The following AP3M1 variants were observed in gnomAD, a reference collection of about 807,000 sequenced individuals.
AP3M1 encodes the protein AP-3 complex subunit mu-1.
In AP3M1, 29 loss-of-function variants were observed where a neutral mutation model predicts 42.6. The ratio of observed to expected loss-of-function variants is 0.68; its 90% CI spans 0.51 to 0.93. The LOEUF (loss-of-function observed/expected upper bound fraction) is 0.93. Among genes scored for constraint, AP3M1 ranks in the 40% least tolerant of loss-of-function variants. The probability of loss-of-function intolerance (pLI) is 0.00; values close to 1 mark genes in which losing one functional copy is unlikely to be tolerated. For missense variants in AP3M1, 416 were observed against 510.2 expected (o/e 0.82, Z 1.78); for synonymous variants, 178 against 175.3 (o/e 1.02, Z -0.12).
intron 3 of AP3M1, among the ~76,000 whole-genome samples, chr10:74,135,798 A>G (rs1840923924): frequency 6.6e-6 from 1 of 152,180 alleles, no homozygotes; most frequent in African/African-American, 2.4e-5. Flanking sequence ...GTACAGACAC[A>G]CCATCTTATC....
chr10:74,124,046 T>C, intron 8 of AP3M1, 136 bp from the exon 9 acceptor site: 1 of 802,490 alleles, frequency 1.2e-6, no homozygotes, highest in Non-Finnish European at 2.0e-6. Flanking sequence ...CTTCTATCAT[T>C]TACAAATTAT....
At chr10:74,137,577 C>T (rs1840985867) in intron 2 of AP3M1, among the ~76,000 whole-genome samples, 1 of 152,196 alleles carries the variant, frequency 6.6e-6, no homozygotes, top group Admixed American at 6.5e-5. Flanking sequence ...TGATGATATA[C>T]AGTCATCCCT....
intron 1 of AP3M1, among the ~76,000 whole-genome samples, chr10:74,138,643 T>C (rs892764865): frequency 1.3e-5 from 2 of 149,954 alleles, no homozygotes; most frequent in African/African-American, 4.9e-5. Flanking sequence ...AAAAAGAAAC[T>C]TCCTCAGCCA....
intron 1 of AP3M1, among the ~76,000 whole-genome samples, chr10:74,150,106 T>A (rs1167920372): frequency 6.6e-6 from 1 of 152,224 alleles, no homozygotes; most frequent in Non-Finnish European, 1.5e-5. Flanking sequence ...CGGGCTTAAT[T>A]CTCATAATTT....
At chr10:74,135,533 A>C (rs1184291056) in intron 3 of AP3M1, among the ~76,000 whole-genome samples, 1 of 152,246 alleles carries the variant, frequency 6.6e-6, no homozygotes, top group Admixed American at 6.5e-5. Flanking sequence ...TAGAAAGTAT[A>C]AAGCAAAAAT....
At position 74,129,463 on chromosome 10, in the gene AP3M1, A is replaced by G. The variant is rs1351469585; in HGVS notation, c.670-222T>C. On this transcript the variant is annotated intron_variant, in intron 5 of 8. Coordinates refer to ENST00000355264, the MANE Select transcript of AP3M1 (RefSeq NM_012095.6). ...TAACTATAAAGGAGAAAAGGCAAGT[A>G]GTATTATTTCCCTTTAACAGATTAA... 3.3e-5 allele frequency among the ~76,000 whole-genome samples: 5 copies of G among 152,242 alleles called. No homozygotes were observed. The East Asian group carries it at 9.6e-4, about 29-fold the overall frequency.
At chr10:74,143,985 G>A (rs1045469309) in intron 1 of AP3M1, among the ~76,000 whole-genome samples, 2 of 151,908 alleles carry the variant, frequency 1.3e-5, no homozygotes, top group Non-Finnish European at 2.9e-5. Context: ...TTTTTGAGAC[G>A]GAGTCTTGCT....
chr10:74,124,515 A>ATCT lies in AP3M1; in HGVS notation c.1020_1021insAGA (p.Thr340_Trp341insArg). The ATCT allele has an allele frequency of 6.3e-7, 1 of 1,589,146 alleles. No homozygotes were observed. The highest frequency in any genetic ancestry group is 1.4e-5 in the African/African-American group (1 of 73,336). On this transcript the variant is annotated inframe_insertion, in exon 8 of 9. Transcript: ENST00000355264. ...TGTGGAGTAATTTTTCCCACATCCC[A>ATCT]TGTTAGTACCTTAAAAAGACAAAAA...
In AP3M1 at chr10:74,150,784, C is replaced by G; in HGVS notation, c.-33G>C. 5.5e-6 allele frequency: 1 copy of G among 180,196 alleles called. No homozygotes were observed. Among genetic ancestry groups the G allele is most frequent in the South Asian group, 9.2e-5 (1 of 10,848 alleles). The allele number at this position is 180,196 out of a possible 1,614,324, so 11.2% of individuals were successfully genotyped here. Reference sequence around the variant, plus strand: ...ACACCTGTGCCAGTCAGTGATTCGGCGCCGGATCCTCTCCTACCGAAGCTG... The same window carrying G: ...ACACCTGTGCCAGTCAGTGATTCGGGGCCGGATCCTCTCCTACCGAAGCTG... On this transcript the variant is annotated 5_prime_UTR_variant, in exon 1 of 9. Transcript: ENST00000355264.
chr10:74,140,517 T>C (rs1317216454), intron 1 of AP3M1, among the ~76,000 whole-genome samples: 1 of 152,160 alleles, frequency 6.6e-6, no homozygotes, highest in African/African-American at 2.4e-5. Flanking sequence ...ATGCTTCATC[T>C]ACAGTCTGAT....
chr10:74,145,603 T>C (rs1379977333), intron 1 of AP3M1, among the ~76,000 whole-genome samples: 1 of 152,222 alleles, frequency 6.6e-6, no homozygotes, highest in African/African-American at 2.4e-5. Flanking sequence ...TTCATAAACT[T>C]TCTGAGAAAA....
At chr10:74,148,115 A>T (rs1181049787) in intron 1 of AP3M1, among the ~76,000 whole-genome samples, 1 of 152,228 alleles carries the variant, frequency 6.6e-6, no homozygotes, top group Non-Finnish European at 1.5e-5. Context: ...GAGTAGATTC[A>T]AGAAGTCTAG....
chr10:74,130,133 T>A, intron 4 of AP3M1, 141 bp from the exon 5 acceptor site: 1 of 647,350 alleles, frequency 1.5e-6, no homozygotes, highest in South Asian at 1.9e-5. Flanking sequence ...TGCAGTTGTA[T>A]GATCATAGCT....
intron 3 of AP3M1, among the ~76,000 whole-genome samples, chr10:74,134,527 G>C (rs567766171): frequency 1.3e-4 from 20 of 152,330 alleles, no homozygotes; most frequent in African/African-American, 4.8e-4. Context: ...TCTCCAGTGA[G>C]AATACAGAGT....
At chr10:74,125,389 C>G (rs1202076377) in intron 7 of AP3M1, among the ~76,000 whole-genome samples, 1 of 152,222 alleles carries the variant, frequency 6.6e-6, no homozygotes, top group African/African-American at 2.4e-5. Flanking sequence ...GGCTCAACAG[C>G]AGATGAGAAA....
chr10:74,144,022 C>T (rs1256666559), intron 1 of AP3M1, among the ~76,000 whole-genome samples: 5 of 152,122 alleles, frequency 3.3e-5, no homozygotes, highest in South Asian at 2.1e-4. Flanking sequence ...AGCGCAATGG[C>T]GTGATCTCTG....
intron 6 of AP3M1, 130 bp from the exon 7 acceptor site, chr10:74,126,485 A>C (rs1257180762): frequency 2.3e-5 from 15 of 659,608 alleles, no homozygotes; most frequent in Non-Finnish European, 3.6e-5. Context: ...ATAAGGTACT[A>C]CAGAGTTGGC....
Position 74,123,715 on chromosome 10 carries a change from C to G in AP3M1, c.*95G>C. The G allele has an allele frequency of 2.2e-6, 2 of 926,492 alleles. No homozygotes were observed. The highest frequency in any genetic ancestry group is 3.5e-6 in the Non-Finnish European group (2 of 567,264). 57.4% of individuals were successfully genotyped at this position (926,492 alleles called of 1,614,324 possible). A position where few individuals can be genotyped will look rare whatever the true frequency, so the allele number is the denominator to read the frequency against. ...GTGTAGCTAGACACAAATGCTTTAACTAGAATATGTATTCCCACTCACTTG... is the reference window on the plus strand; with the variant it reads ...GTGTAGCTAGACACAAATGCTTTAAGTAGAATATGTATTCCCACTCACTTG... On this transcript the variant is annotated 3_prime_UTR_variant, in exon 9 of 9. Coordinates refer to ENST00000355264, the MANE Select transcript of AP3M1 (RefSeq NM_012095.6).
chr10:74,127,389 A>G (rs2131963262), intron 6 of AP3M1, among the ~76,000 whole-genome samples: 1 of 152,268 alleles, frequency 6.6e-6, no homozygotes, highest in East Asian at 1.9e-4. Flanking sequence ...CACACCTGTA[A>G]TCCCAGCACT....
Sources: gnomAD v4.1 joint callset for allele counts (sites outside exome capture counted in the v4.1 genomes callset) on GRCh38, gnomAD v4.1.1 for gene constraint, MANE v1.5 for transcripts, NCBI Gene and HGNC (gene_info 2026-07-23, HGNC 2026-07-21) for gene names.